LRPPRC: variants seen among roughly 807,000 people sequenced by gnomAD.
LRPPRC encodes the protein leucine-rich PPR motif-containing protein, mitochondrial.
A neutral mutation model predicts 180.3 loss-of-function variants in LRPPRC; 120 were observed. That is an observed-to-expected ratio of 0.67 (90% CI 0.57 to 0.77). LRPPRC has a LOEUF of 0.77. Ranked by LOEUF, LRPPRC falls within the 30% of genes least tolerant of loss-of-function variation. LRPPRC has a pLI of 0.00. For missense variants in LRPPRC, 2,012 were observed against 1,657.2 expected (o/e 1.21, Z -3.72); for synonymous variants, 723 against 600.0 (o/e 1.21, Z -3.00).
At chr2:43,941,837 TAAAAAAAAA>T (rs35278650) in intron 23 of LRPPRC, among the ~76,000 whole-genome samples, 1 of 92,860 alleles carries the variant, frequency 1.1e-5, no homozygotes, top group African/African-American at 4.0e-5. Flanking sequence ...CAAAGTAGTC[TAAAAAAAAA>T]AAAAAAAAAA....
intron 1 of LRPPRC, among the ~76,000 whole-genome samples, chr2:43,987,343 A>C (rs1674571416): frequency 6.6e-6 from 1 of 152,148 alleles, no homozygotes; most frequent in African/African-American, 2.4e-5. Flanking sequence ...AGAATACAAA[A>C]AATTAGCCAG....
chr2:43,963,517 T>C, intron 12 of LRPPRC, 71 bp downstream of exon 12: 1 of 956,750 alleles, frequency 1.0e-6, no homozygotes, highest in Non-Finnish European at 1.7e-6. Flanking sequence ...CTTTTTTGTG[T>C]GTCAACACTA....
rs746096086 is a variant in LRPPRC at position 43,905,728 on chromosome 2, G to C, written c.3328C>G (p.Leu1110Val). The change falls in exon 31 of 38, where the codon CTC becomes GTC. Residue 1110 changes from leucine to valine, a missense_variant. Coordinates refer to ENST00000260665, the MANE Select transcript of LRPPRC (RefSeq NM_133259.4). Reference protein sequence around the residue: ...FTLNDAANSRLIITQVRRDYL... With the variant: ...FTLNDAANSRVIITQVRRDYL... The stretch of plus-strand genomic sequence containing the variant: ...TCCCGCCTAACTTGCGTTATGATGA[G>C]GCGGCTGTTGGCAGCATCGTTCAGT... The C allele has an allele frequency of 6.2e-7, 1 of 1,614,040 alleles. No individual in the cohort carries two copies. The highest frequency in any genetic ancestry group is 8.5e-7 in the Non-Finnish European group (1 of 1,179,880).
At chr2:43,903,575 G>C (rs1670962581) in intron 31 of LRPPRC, 1 of 144,588 alleles carries the variant, frequency 6.9e-6, no homozygotes. Flanking sequence ...CTCAGGGAGG[G>C]GGGTGGGGTG....
intron 30 of LRPPRC, among the ~76,000 whole-genome samples, chr2:43,911,454 T>A (rs559786978): frequency 1.3e-5 from 2 of 151,894 alleles, no homozygotes; most frequent in Non-Finnish European, 2.9e-5. Flanking sequence ...AGGATTCTAA[T>A]ATTCTAAAAG....
chr2:43,993,326 T>C (rs964787891), intron 1 of LRPPRC, among the ~76,000 whole-genome samples: 2 of 152,194 alleles, frequency 1.3e-5, no homozygotes, highest in South Asian at 4.1e-4. Context: ...TTTGCAACTG[T>C]CCCTCGAGGC....
Position 43,899,554 on chromosome 2 carries a change from C to T in LRPPRC, c.3621G>A (p.Glu1207=). Reference sequence around the variant, plus strand: ...AGTATTGGGGTTCAATGACTTTATTCTCTGAAGTAAGCATATTTTCAATGT... The same window carrying T: ...AGTATTGGGGTTCAATGACTTTATTTTCTGAAGTAAGCATATTTTCAATGT... ...IENIENMLTS[E]NKVIEPQYFG... is the part of the protein sequence containing the mutation. Residue 1207 remains glutamate (E), a synonymous_variant, in exon 33 of 38, where the codon GAG becomes GAA. Transcript: ENST00000260665. The T allele has an allele frequency of 1.2e-6, 2 of 1,610,956 alleles. No individual in the cohort carries two copies. The highest frequency in any genetic ancestry group is 1.1e-5 in the South Asian group (1 of 91,004).
intron 3 of LRPPRC, among the ~76,000 whole-genome samples, chr2:43,978,570 T>C (rs1674161041): frequency 1.3e-5 from 2 of 152,144 alleles, no homozygotes; most frequent in Admixed American, 6.5e-5. Flanking sequence ...CAGAAATTTC[T>C]AATTTTTAGA....
At chr2:43,969,482 C>G (rs1306062915) in intron 11 of LRPPRC, among the ~76,000 whole-genome samples, 1 of 151,628 alleles carries the variant, frequency 6.6e-6, no homozygotes, top group Non-Finnish European at 1.5e-5. Flanking sequence ...AATGCTAAAG[C>G]CTACATGTTT....
intron 35 of LRPPRC, 108 bp downstream of exon 35, chr2:43,896,526 A>C: frequency 4.2e-6 from 3 of 717,518 alleles, no homozygotes; most frequent in Non-Finnish European, 4.8e-6. Flanking sequence ...GAATCTCTAT[A>C]GTATTCTCAA....
intron 34 of LRPPRC, 82 bp downstream of exon 34, chr2:43,899,137 C>T (rs765351763): frequency 9.9e-6 from 9 of 909,558 alleles, no homozygotes; most frequent in Admixed American, 1.9e-5. Flanking sequence ...TAGTATTCCA[C>T]CACACGCCTA....
At chr2:43,937,836 A>G (rs779506773) in intron 23 of LRPPRC, among the ~76,000 whole-genome samples, 1 of 152,192 alleles carries the variant, frequency 6.6e-6, no homozygotes, top group Non-Finnish European at 1.5e-5. Context: ...GGGAAGCACA[A>G]TATCAAAAGG....
intron 13 of LRPPRC, among the ~76,000 whole-genome samples, chr2:43,957,986 T>A (rs1001508458): frequency 2.0e-5 from 3 of 152,206 alleles, no homozygotes; most frequent in Non-Finnish European, 4.4e-5. Flanking sequence ...AGGTCATACG[T>A]CCGTTATGTA....
At chr2:43,914,140 C>T (rs1671358551) in intron 29 of LRPPRC, among the ~76,000 whole-genome samples, 2 of 152,174 alleles carry the variant, frequency 1.3e-5, no homozygotes, top group South Asian at 2.1e-4. Context: ...AACTTCCTAA[C>T]AATCGTATAT....
chr2:43,908,332 A>C (rs183337821), intron 30 of LRPPRC, among the ~76,000 whole-genome samples: 4 of 152,286 alleles, frequency 2.6e-5, no homozygotes, highest in African/African-American at 9.6e-5. Context: ...ACATGAAGAA[A>C]CTAAAAATGA....
intron 27 of LRPPRC, among the ~76,000 whole-genome samples, chr2:43,918,778 TATATATATATATAG>T: frequency 4.2e-5 from 1 of 23,906 alleles, no homozygotes; most frequent in Non-Finnish European, 6.0e-5. Flanking sequence ...ATCCTGGAAA[TATATATATATATAG>T]ATATATATAT....
Position 43,934,823 on chromosome 2 carries a change from C to T in LRPPRC, c.2560G>A (p.Val854Ile). Residue 854 changes from valine (V) to isoleucine (I), a missense_variant, in exon 24 of 38, where the codon GTA becomes ATA. Coordinates refer to ENST00000260665, the MANE Select transcript of LRPPRC (RefSeq NM_133259.4). The part of the protein sequence containing the change: ...VAIDCYEKYK[V>I]LPRIHDVLCK... ...AAGACATCATGAATCCTTGGTAATA[C>T]TTTATACTTTTCATAGCAGTCAATG... 1 of 1,612,286 alleles carries T rather than the reference C, an allele frequency of 6.2e-7. No individual in the cohort carries two copies. The highest frequency in any genetic ancestry group is 1.1e-5 in the South Asian group (1 of 91,034).
chr2:43,948,035 C>G (rs1672756705), intron 18 of LRPPRC, 87 bp downstream of exon 18: 2 of 984,964 alleles, frequency 2.0e-6, no homozygotes, highest in Non-Finnish European at 3.2e-6. Context: ...TTTTTCTGAC[C>G]AAAAGCATCA....
intron 1 of LRPPRC, among the ~76,000 whole-genome samples, chr2:43,991,742 G>C (rs1040101526): frequency 2.0e-5 from 3 of 152,180 alleles, no homozygotes; most frequent in Non-Finnish European, 4.4e-5. Flanking sequence ...AAAGTAAAAG[G>C]ATATACTTCT....
Sources: allele counts gnomAD v4.1 joint callset (sites outside exome capture counted in the v4.1 genomes callset), GRCh38; gene constraint gnomAD v4.1.1; transcripts MANE v1.5; gene names NCBI Gene and HGNC (gene_info 2026-07-23, HGNC 2026-07-21).